INPP5D: variants seen among roughly 807,000 people sequenced by gnomAD.
INPP5D encodes phosphatidylinositol 3,4,5-trisphosphate 5-phosphatase 1.
Under a neutral mutation model 122.9 loss-of-function variants are expected in INPP5D, and 33 were observed. The observed-to-expected ratio is 0.27, with a 90% CI of 0.20 to 0.36. INPP5D has a LOEUF of 0.36. INPP5D is among the 10% of genes least tolerant of loss of function. The pLI, the probability that INPP5D is intolerant of heterozygous loss-of-function variation, is 1.00. For missense variants in INPP5D, 1,053 were observed against 1,412.7 expected (o/e 0.75, Z 4.08); for synonymous variants, 584 against 576.2 (o/e 1.01, Z -0.19).
chr2:233,123,130 GA>G (rs1480466986), intron 3 of INPP5D, among the ~76,000 whole-genome samples: 1 of 151,962 alleles, frequency 6.6e-6, no homozygotes, highest in Non-Finnish European at 1.5e-5. Context: ...GGGGGAGGGG[GA>G]AATACAACCC....
chr2:233,144,019 G>C (rs1316346428), intron 6 of INPP5D, among the ~76,000 whole-genome samples: 2 of 140,258 alleles, frequency 1.4e-5, no homozygotes, highest in African/African-American at 2.9e-5. Context: ...TATGGTGAGA[G>C]TGGTAGGGGT....
intron 20 of INPP5D, 33 bp downstream of exon 20, chr2:233,184,554 A>G (rs1199381926): frequency 6.2e-7 from 1 of 1,612,462 alleles, no homozygotes. Flanking sequence ...TCTGGGCAGA[A>G]CTGCCCGGAG....
chr2:233,131,007 C>A, intron 5 of INPP5D: 1 of 448,572 alleles, frequency 2.2e-6, no homozygotes, highest in Non-Finnish European at 4.0e-6. Context: ...TTACACCTGA[C>A]AAGCACAGAA....
chr2:233,161,385 C>A (rs375343332), intron 10 of INPP5D, among the ~76,000 whole-genome samples: 1 of 152,210 alleles, frequency 6.6e-6, no homozygotes, highest in African/African-American at 2.4e-5. Context: ...AGCCACCACA[C>A]CTGGCCCTCT....
At chr2:233,166,080 C>T (rs147433557) in intron 13 of INPP5D, among the ~76,000 whole-genome samples, 2 of 152,176 alleles carry the variant, frequency 1.3e-5, no homozygotes, top group African/African-American at 4.8e-5. Context: ...CGTCCACCCC[C>T]ACTCGTCCCC....
At chr2:233,176,361 G>GATGGA (rs1694628166) in intron 17 of INPP5D, among the ~76,000 whole-genome samples, 1 of 49,078 alleles carries the variant, frequency 2.0e-5, no homozygotes, top group Non-Finnish European at 4.7e-5. Context: ...GGATGGATAG[G>GATGGA]CGAATGGATA....
intron 9 of INPP5D, among the ~76,000 whole-genome samples, chr2:233,150,905 G>A (rs781327991): frequency 3.3e-5 from 5 of 152,178 alleles, no homozygotes; most frequent in Admixed American, 1.3e-4. Flanking sequence ...TGAGGCAGGG[G>A]AGGGCACTGG....
intron 2 of INPP5D, among the ~76,000 whole-genome samples, chr2:233,090,893 G>A (rs2106222156): frequency 6.6e-6 from 1 of 152,154 alleles, no homozygotes; most frequent in East Asian, 1.9e-4. Flanking sequence ...GGGAGGCAGA[G>A]GCTGTAGTGA....
intron 2 of INPP5D, among the ~76,000 whole-genome samples, chr2:233,086,836 C>T (rs1304040180): frequency 6.6e-6 from 1 of 152,148 alleles, no homozygotes; most frequent in African/African-American, 2.4e-5. Flanking sequence ...AGTTTCACTG[C>T]ACCAAATGCC....
intron 2 of INPP5D, among the ~76,000 whole-genome samples, chr2:233,117,201 T>G (rs1401969631): frequency 6.6e-6 from 1 of 152,168 alleles, no homozygotes; most frequent in Non-Finnish European, 1.5e-5. Flanking sequence ...GGGAACGAAG[T>G]GTGGCAGCCT....
At chr2:233,175,894 G>A (rs183832403) in intron 17 of INPP5D, among the ~76,000 whole-genome samples, 2 of 152,016 alleles carry the variant, frequency 1.3e-5, no homozygotes, top group African/African-American at 4.8e-5. Flanking sequence ...GTTGGTCAGG[G>A]TGGTCTCGAA....
At position 233,112,984 on chromosome 2, in the gene INPP5D, C is replaced by G. The variant is rs114369688; in HGVS notation, c.199-9123C>G. Among the ~76,000 whole-genome samples the G allele has an allele frequency of 7.6e-3, 1,154 of 152,224 alleles. 15 individuals are homozygous for G. The highest frequency in any genetic ancestry group is 0.026 in the African/African-American group (1,091 of 41,524). ...GTATTTACCTGTATATCTTAAAAGC[C>G]CGAGTTGGCACAGACACTTCCCATT... On this transcript the variant is annotated intron_variant, in intron 2 of 26. Transcript: ENST00000445964.
intron 17 of INPP5D, among the ~76,000 whole-genome samples, chr2:233,171,509 C>T (rs1694493720): frequency 6.6e-6 from 1 of 152,206 alleles, no homozygotes; most frequent in African/African-American, 2.4e-5. Context: ...GGTTTCTTCG[C>T]TGCAGGACTT....
chr2:233,201,931 G>T (rs368692374), intron 25 of INPP5D, among the ~76,000 whole-genome samples: 12 of 152,110 alleles, frequency 7.9e-5, no homozygotes, highest in East Asian at 3.9e-4. Flanking sequence ...GTTACCTTTG[G>T]TCAGGGGAAT....
chr2:233,183,137 C>G lies in INPP5D; in HGVS notation c.2161+638C>G, dbSNP rs1382036641. Among the ~76,000 whole-genome samples, 1 of 152,160 alleles carries G rather than the reference C, an allele frequency of 6.6e-6. No homozygotes were observed. The highest frequency in any genetic ancestry group is 6.5e-5 in the Admixed American group (1 of 15,272). On this transcript the variant is annotated intron_variant, in intron 19 of 26. Transcript: ENST00000445964. This position sits in a 1 kb window ranked among gnomAD's most constrained non-coding sequence, Gnocchi z 4.6. ...GCTCAGCCCTGGTTGCCAGGCCACCCTCATCCCAGCTGGGCCAGGTGTTCT... is the reference window on the plus strand; with the variant it reads ...GCTCAGCCCTGGTTGCCAGGCCACCGTCATCCCAGCTGGGCCAGGTGTTCT...
At chr2:233,066,346 T>C (rs1472975863) in intron 1 of INPP5D, among the ~76,000 whole-genome samples, 1 of 152,196 alleles carries the variant, frequency 6.6e-6, no homozygotes, top group East Asian at 1.9e-4. Context: ...CAGGCATTTC[T>C]CCCCACCCCA....
At chr2:233,083,719 T>A (rs1331773472) in intron 2 of INPP5D, among the ~76,000 whole-genome samples, 1 of 151,944 alleles carries the variant, frequency 6.6e-6, no homozygotes. Context: ...TAAGGAAGAG[T>A]CTGAGGTCCT....
At chr2:233,102,849 C>CAAAAAAAAA (rs543054221) in intron 2 of INPP5D, among the ~76,000 whole-genome samples, 6 of 88,856 alleles carry the variant, frequency 6.8e-5, no homozygotes, top group African/African-American at 2.4e-4. Context: ...GACTCCGTCT[C>CAAAAAAAAA]AAAAAAAAAA....
At chr2:233,198,945 C>T (rs1000880383) in intron 25 of INPP5D, among the ~76,000 whole-genome samples, 4 of 126,102 alleles carry the variant, frequency 3.2e-5, no homozygotes, top group African/African-American at 1.2e-4. Flanking sequence ...ACTGAAACTC[C>T]GTCTCAAAAA....
Sources: gnomAD v4.1 joint callset for allele counts (sites outside exome capture counted in the v4.1 genomes callset) on GRCh38, gnomAD v4.1.1 for gene constraint, Gnocchi (gnomAD v3.1) non-coding constraint, MANE v1.5 for transcripts, NCBI Gene and HGNC (gene_info 2026-07-23, HGNC 2026-07-21) for gene names.